The following SAMD3 variants were observed in gnomAD, a reference collection of about 807,000 sequenced individuals.
SAMD3 encodes sterile alpha motif domain containing 3, also known as sterile alpha motif domain-containing protein 3.
Under a neutral mutation model 58.5 loss-of-function variants are expected in SAMD3, and 63 were observed. The ratio of observed to expected loss-of-function variants is 1.08; its 90% CI spans 0.88 to 1.33. SAMD3 has a LOEUF of 1.33. SAMD3 is among the 40% of genes most tolerant of loss of function. The pLI, the probability that SAMD3 is intolerant of heterozygous loss-of-function variation, is 0.00. For missense variants in SAMD3, 604 were observed against 608.4 expected (o/e 0.99, Z 0.08); for synonymous variants, 220 against 210.3 (o/e 1.05, Z -0.40).
chr6:130,303,725 C>A (rs543876983), intron 2 of SAMD3, among the ~76,000 whole-genome samples: 46 of 152,326 alleles, frequency 3.0e-4, no homozygotes, highest in African/African-American at 1.1e-3. Context: ...CACCATTCAC[C>A]TAGCTTGCCT....
At chr6:130,215,609 C>A (rs1402583678) in intron 2 of SAMD3, 43 of 1,391,008 alleles carry the variant, frequency 3.1e-5, no homozygotes, top group Non-Finnish European at 1.9e-6. Context: ...GGTACCCAAT[C>A]CTGTACCATT....
At chr6:130,269,062 T>G (rs1774462711) in intron 2 of SAMD3, among the ~76,000 whole-genome samples, 4 of 152,214 alleles carry the variant, frequency 2.6e-5, no homozygotes, top group Admixed American at 2.6e-4. Flanking sequence ...GTTTTACTCC[T>G]TTTCTTATTC....
At chr6:130,171,703 T>C (rs1464260338) in intron 8 of SAMD3, among the ~76,000 whole-genome samples, 1 of 152,160 alleles carries the variant, frequency 6.6e-6, no homozygotes, top group Non-Finnish European at 1.5e-5. Context: ...AGGTGGAGAG[T>C]TCTGCAGATA....
chr6:130,214,029 A>AG (rs374170171), intron 4 of SAMD3, among the ~76,000 whole-genome samples: 342 of 152,298 alleles, frequency 2.2e-3, no homozygotes, highest in African/African-American at 7.6e-3. Flanking sequence ...CCAGAGCTTC[A>AG]GGATCCCCTT....
In SAMD3 at chr6:130,355,042, T is replaced by C. The variant is rs576488927; in HGVS notation, c.-304+10078A>G. ...CTGACCTCCTCAGCAATCAGTGATGTGTAGGTTTCCCAGATAAAGTGAACT... is the reference window on the plus strand; with the variant it reads ...CTGACCTCCTCAGCAATCAGTGATGCGTAGGTTTCCCAGATAAAGTGAACT... On this transcript the variant is annotated intron_variant, in intron 1 of 13. Coordinates refer to the SAMD3 transcript ENST00000368134. Among the ~76,000 whole-genome samples the C allele has an allele frequency of 1.2e-4, 19 of 152,326 alleles. No individual in the cohort carries two copies. The South Asian group carries it at 3.9e-3, about 32-fold the overall frequency.
intron 2 of SAMD3, among the ~76,000 whole-genome samples, chr6:130,285,096 T>C (rs951948510): frequency 6.6e-6 from 1 of 152,326 alleles, no homozygotes; most frequent in South Asian, 2.1e-4. Flanking sequence ...CTAGATCTCA[T>C]GGATAAGATG....
chr6:130,266,641 G>C (rs1003054302), intron 2 of SAMD3, among the ~76,000 whole-genome samples: 1 of 152,084 alleles, frequency 6.6e-6, no homozygotes, highest in Non-Finnish European at 1.5e-5. Flanking sequence ...AGTCCCACCG[G>C]GACTGGACAG....
In SAMD3 at chr6:130,257,457, A is replaced by T. The variant is rs567344589; in HGVS notation, c.-187-34644T>A. Among the ~76,000 whole-genome samples, 9 of 151,698 alleles carry T rather than the reference A, an allele frequency of 5.9e-5. No individual in the cohort carries two copies. In the East Asian group the frequency reaches 1.7e-3, roughly 29 times the overall value. On this transcript the variant is annotated intron_variant, in intron 2 of 13. Coordinates refer to the SAMD3 transcript ENST00000368134. ...TGGTTTCATATAGTAGTTGTCATTC[A>T]TTTCATTTATTTTTAAAATTAGAAG...
At chr6:130,204,551 A>G (rs1157681512) in intron 5 of SAMD3, among the ~76,000 whole-genome samples, 2 of 150,760 alleles carry the variant, frequency 1.3e-5, no homozygotes, top group Non-Finnish European at 2.9e-5. Context: ...GAGCTGAGAT[A>G]GCGCCACTGC....
chr6:130,187,349 G>A (rs1793098145), intron 5 of SAMD3, among the ~76,000 whole-genome samples: 1 of 151,416 alleles, frequency 6.6e-6, no homozygotes, highest in Non-Finnish European at 1.5e-5. Flanking sequence ...TATACTGCAT[G>A]GTATTATTTC....
At chr6:130,296,505 C>A (rs1230309565) in intron 2 of SAMD3, among the ~76,000 whole-genome samples, 1 of 152,224 alleles carries the variant, frequency 6.6e-6, no homozygotes, top group Non-Finnish European at 1.5e-5. Context: ...GGAATATCAT[C>A]TCCTGCCTTC....
At chr6:130,180,953 C>CTTTTTTTTTTTTTTTTTTTTTTTTTTTTT (rs370213784) in intron 7 of SAMD3, among the ~76,000 whole-genome samples, 3 of 117,362 alleles carry the variant, frequency 2.6e-5, no homozygotes, top group African/African-American at 3.2e-5. Flanking sequence ...TTCTTTCTTT[C>CTTTTTTTTTTTTTTTTTTTTTTTTTTTTT]TTTTTTCTTT....
intron 9 of SAMD3, among the ~76,000 whole-genome samples, chr6:130,146,993 GA>G (rs1051419174): frequency 6.6e-6 from 1 of 152,050 alleles, no homozygotes; most frequent in African/African-American, 2.4e-5. Context: ...GAAAGAAAAA[GA>G]AACAATGTAT....
At chr6:130,242,708 A>G (rs1157132439) in intron 2 of SAMD3, among the ~76,000 whole-genome samples, 1 of 152,244 alleles carries the variant, frequency 6.6e-6, no homozygotes, top group Non-Finnish European at 1.5e-5. Context: ...TGGCCTGTCC[A>G]AAGAGCTCTC....
At chr6:130,350,375 C>T (rs557270826) in intron 1 of SAMD3, among the ~76,000 whole-genome samples, 1 of 152,240 alleles carries the variant, frequency 6.6e-6, no homozygotes, top group Admixed American at 6.5e-5. Context: ...TCAGCAAAGT[C>T]TCAGGATACA....
chr6:130,177,124 G>T (rs543580231), intron 7 of SAMD3, among the ~76,000 whole-genome samples: 18 of 152,272 alleles, frequency 1.2e-4, no homozygotes, highest in African/African-American at 4.1e-4. Context: ...TAGAGCACAG[G>T]TTGCTGAGCA....
chr6:130,228,583 C>G (rs1170315919), intron 2 of SAMD3, among the ~76,000 whole-genome samples: 2 of 152,184 alleles, frequency 1.3e-5, no homozygotes, highest in Non-Finnish European at 1.5e-5. Context: ...TTTTAAAGCT[C>G]TCCTCTGTGG....
chr6:130,153,108 C>G (rs569433734), intron 9 of SAMD3, among the ~76,000 whole-genome samples: 9 of 152,330 alleles, frequency 5.9e-5, no homozygotes, highest in African/African-American at 2.2e-4. Flanking sequence ...CTCTGCTAGG[C>G]ACTTTGGGAA....
Position 130,194,930 on chromosome 6 carries a change from G to C in SAMD3, c.384-10307C>G, listed in dbSNP as rs550473453. ...TTAATCAATATGGAGGCTACCCACT[G>C]CACATTACCTTCTTTTCAAGGGCCT... On this transcript the variant is annotated intron_variant, in intron 5 of 11. Coordinates refer to ENST00000439090, the MANE Select transcript of SAMD3 (RefSeq NM_001017373.4). Among the ~76,000 whole-genome samples, 199 of 152,172 alleles carry C rather than the reference G, an allele frequency of 1.3e-3. 1 individual carries two copies. The highest frequency in any genetic ancestry group is 3.4e-3 in the Middle Eastern group (1 of 294).
Sources: allele counts gnomAD v4.1 joint callset (sites outside exome capture counted in the v4.1 genomes callset), GRCh38; gene constraint gnomAD v4.1.1; transcripts MANE v1.5; gene names NCBI Gene and HGNC (gene_info 2026-07-23, HGNC 2026-07-21).